KCNMA1: variants seen among roughly 807,000 people sequenced by gnomAD.
KCNMA1 encodes the protein Calcium-activated potassium channel subunit alpha-1.
Under a neutral mutation model 140.0 loss-of-function variants are expected in KCNMA1, and 29 were observed. The ratio of observed to expected loss-of-function variants is 0.21; its 90% CI spans 0.15 to 0.28. The LOEUF is 0.28. Ranked by LOEUF, KCNMA1 falls within the 10% of genes least tolerant of loss-of-function variation. The probability of loss-of-function intolerance (pLI) is 1.00; values close to 1 mark genes in which losing one functional copy is unlikely to be tolerated. For missense variants in KCNMA1, 880 were observed against 1,602.2 expected (o/e 0.55, Z 7.70); for synonymous variants, 612 against 611.9 (o/e 1.00, Z 0.00).
At chr10:77,275,506 T>C (rs2154288691) in intron 2 of KCNMA1, among the ~76,000 whole-genome samples, 1 of 152,304 alleles carries the variant, frequency 6.6e-6, no homozygotes, top group South Asian at 2.1e-4. Context: ...TCCAACGCCC[T>C]ATTGTGTGTT....
chr10:77,013,095 G>C (rs1389372803), intron 17 of KCNMA1, among the ~76,000 whole-genome samples: 1 of 152,136 alleles, frequency 6.6e-6, no homozygotes, highest in Non-Finnish European at 1.5e-5. Flanking sequence ...GCCTTTTCTT[G>C]ACCAGGGCTG....
intron 2 of KCNMA1, among the ~76,000 whole-genome samples, chr10:77,266,853 T>G (rs2063593887): frequency 6.6e-6 from 1 of 152,190 alleles, no homozygotes; most frequent in Non-Finnish European, 1.5e-5. Flanking sequence ...ATTTATTCAA[T>G]CAATGTATAT....
At chr10:77,507,608 C>T (rs816833) in intron 1 of KCNMA1, among the ~76,000 whole-genome samples, 8,599 of 152,254 alleles carry the variant, frequency 0.056, 410 homozygotes, top group Admixed American at 0.13. Flanking sequence ...GGTGCCCATT[C>T]ACTGCCCAAG....
intron 1 of KCNMA1, among the ~76,000 whole-genome samples, chr10:77,453,947 A>T (rs1158861309): frequency 6.6e-6 from 1 of 152,186 alleles, no homozygotes; most frequent in Non-Finnish European, 1.5e-5. Context: ...TGAGAATAGC[A>T]GCGTCTCTGT....
chr10:77,337,570 A>G (rs10824529), intron 2 of KCNMA1, among the ~76,000 whole-genome samples: 30,382 of 152,158 alleles, frequency 0.2, 3,311 homozygotes, highest in East Asian at 0.33. Context: ...TAGTGAGCCA[A>G]GATTGCACCA....
chr10:77,509,592 T>C (rs1208888482), intron 1 of KCNMA1, among the ~76,000 whole-genome samples: 6 of 152,208 alleles, frequency 3.9e-5, no homozygotes, highest in Non-Finnish European at 8.8e-5. Context: ...AGTGAATGCA[T>C]CATTTTACAT....
At chr10:77,544,085 T>A (rs967077398) in intron 1 of KCNMA1, among the ~76,000 whole-genome samples, 1 of 151,934 alleles carries the variant, frequency 6.6e-6, no homozygotes, top group Admixed American at 6.6e-5. Context: ...AAAATTGGGA[T>A]GTAGAGTGTG....
chr10:76,979,895 A>G (rs1445938181), intron 19 of KCNMA1: 1 of 152,222 alleles, frequency 6.6e-6, no homozygotes, highest in African/African-American at 2.4e-5. Context: ...TTAGAAATAC[A>G]GTATGCTTTT....
At chr10:77,506,725 A>AGTGT (rs1383015253) in intron 1 of KCNMA1, among the ~76,000 whole-genome samples, 1 of 133,604 alleles carries the variant, frequency 7.5e-6, no homozygotes, top group Non-Finnish European at 1.6e-5. Flanking sequence ...AGAGAGAGAG[A>AGTGT]GTGTGTGTGT....
At chr10:77,383,391 A>G (rs1326447650) in intron 2 of KCNMA1, among the ~76,000 whole-genome samples, 1 of 146,090 alleles carries the variant, frequency 6.8e-6, no homozygotes, top group African/African-American at 2.5e-5. Context: ...AGGCCTGGAG[A>G]GATGGTTGCT....
intron 5 of KCNMA1, among the ~76,000 whole-genome samples, chr10:77,175,521 C>G (rs968521510): frequency 6.6e-6 from 1 of 152,148 alleles, no homozygotes; most frequent in Non-Finnish European, 1.5e-5. Flanking sequence ...AACAAGGGGG[C>G]CACAGTCCCT....
chr10:77,171,400 C>T (rs2014183), intron 5 of KCNMA1, among the ~76,000 whole-genome samples: 1,468 of 128,972 alleles, frequency 0.011, 30 homozygotes, highest in Middle Eastern at 0.028. Flanking sequence ...TGTGTGTGTG[C>T]GTGTGTGTGT....
intron 13 of KCNMA1, 121 bp from the exon 14 acceptor site, chr10:77,073,373 C>T (rs948847834): frequency 6.8e-5 from 67 of 981,936 alleles, no homozygotes; most frequent in Non-Finnish European, 1.0e-4. Flanking sequence ...CCCTTCTTTT[C>T]CCTTGCTGCG....
intron 3 of KCNMA1, among the ~76,000 whole-genome samples, chr10:77,192,871 C>A (rs1354049981): frequency 6.6e-6 from 1 of 152,044 alleles, no homozygotes; most frequent in African/African-American, 2.4e-5. Context: ...TAAGATTTCA[C>A]AAATGCCTAG....
At chr10:77,335,213 T>C (rs12218239) in intron 2 of KCNMA1, among the ~76,000 whole-genome samples, 30,236 of 152,064 alleles carry the variant, frequency 0.2, 3,283 homozygotes, top group East Asian at 0.33. Flanking sequence ...CAGGGGTAAA[T>C]AGGTGTCCCA....
chr10:77,413,574 G>A (rs572417688), intron 1 of KCNMA1, among the ~76,000 whole-genome samples: 3 of 152,176 alleles, frequency 2.0e-5, no homozygotes, highest in Admixed American at 6.5e-5. Context: ...AATGGATGGA[G>A]GAGGTGGTTA....
intron 1 of KCNMA1, among the ~76,000 whole-genome samples, chr10:77,406,374 T>C (rs1208707130): frequency 6.6e-6 from 1 of 152,122 alleles, no homozygotes; most frequent in African/African-American, 2.4e-5. Flanking sequence ...GATTAAACAG[T>C]GTCCAATAGC....
intron 1 of KCNMA1, among the ~76,000 whole-genome samples, chr10:77,461,969 G>A (rs764063532): frequency 6.6e-6 from 1 of 152,048 alleles, no homozygotes; most frequent in Non-Finnish European, 1.5e-5. Flanking sequence ...CAGAGGCACA[G>A]CCCAAAGTAC....
chr10:77,108,673 G>C lies in KCNMA1; in HGVS notation c.1132-101C>G, dbSNP rs543356088. ...GCACTAAGATCTGAAAACACAAAAG[G>C]ATTAGGCCTGCAAAGGTATATATTG... On this transcript the variant is annotated intron_variant, in intron 8 of 27. Transcript: ENST00000286628. The surrounding 1 kb of genome is among the most constrained non-coding windows in gnomAD (Gnocchi z 4.6). 1.7e-5 allele frequency: 15 copies of C among 860,118 alleles called. No individual in the cohort carries two copies. The East Asian group carries it at 3.6e-4, about 21-fold the overall frequency. 53.3% of individuals were successfully genotyped at this position (860,118 alleles called of 1,614,324 possible).
Sources: allele counts gnomAD v4.1 joint callset (sites outside exome capture counted in the v4.1 genomes callset), GRCh38; gene constraint gnomAD v4.1.1; non-coding constraint Gnocchi (gnomAD v3.1); transcripts MANE v1.5; gene names NCBI Gene and HGNC (gene_info 2026-07-23, HGNC 2026-07-21).